Variants in FBXW7 observed in about 807,000 individuals in gnomAD.
FBXW7 encodes the protein F-box/WD repeat-containing protein 7.
A neutral mutation model predicts 86.3 loss-of-function variants in FBXW7; 11 were observed. That is an observed-to-expected ratio of 0.13 (90% CI 0.08 to 0.21). The LOEUF is 0.21. Among genes scored for constraint, FBXW7 ranks in the 10% least tolerant of loss-of-function variants. The pLI, the probability that FBXW7 is intolerant of heterozygous loss-of-function variation, is 1.00. For missense variants in FBXW7, 488 were observed against 847.4 expected (o/e 0.58, Z 5.27); for synonymous variants, 313 against 297.9 (o/e 1.05, Z -0.52).
chr4:152,431,860 G>T (rs539804102), intron 2 of FBXW7, among the ~76,000 whole-genome samples: 3 of 152,210 alleles, frequency 2.0e-5, no homozygotes, highest in South Asian at 4.1e-4. Flanking sequence ...TACAGTGGTG[G>T]GCTTATTCTA....
At chr4:152,324,072 G>T (rs760997792) in intron 13 of FBXW7, 112 bp downstream of exon 13, 110 of 763,660 alleles carry the variant, frequency 1.4e-4, no homozygotes, top group Non-Finnish European at 2.3e-4. Context: ...AAACTTTTCT[G>T]AAGTAACCAT....
At chr4:152,531,760 A>T (rs924779805) in intron 2 of FBXW7, among the ~76,000 whole-genome samples, 6 of 152,144 alleles carry the variant, frequency 3.9e-5, no homozygotes, top group African/African-American at 1.4e-4. Context: ...ACTTTAAAAC[A>T]TGAATTTGAG....
chr4:152,345,124 TA>T (rs1027590952), intron 6 of FBXW7, among the ~76,000 whole-genome samples: 55 of 152,306 alleles, frequency 3.6e-4, no homozygotes, highest in African/African-American at 1.2e-3. Flanking sequence ...ATCTTTAAAT[TA>T]TTTTTTTAAG....
At chr4:152,397,223 CAT>C (rs1169527935) in intron 4 of FBXW7, among the ~76,000 whole-genome samples, 20 of 151,944 alleles carry the variant, frequency 1.3e-4, no homozygotes, top group African/African-American at 4.6e-4. Flanking sequence ...CCCCCTGAAA[CAT>C]AACACAGAAA....
intron 2 of FBXW7, among the ~76,000 whole-genome samples, chr4:152,458,131 T>C (rs2149625003): frequency 6.6e-6 from 1 of 152,264 alleles, no homozygotes; most frequent in East Asian, 1.9e-4. Context: ...GAGATTCTCC[T>C]GCCTCAGCCT....
At chr4:152,351,657 A>T (rs1443603446) in intron 4 of FBXW7, among the ~76,000 whole-genome samples, 1 of 152,156 alleles carries the variant, frequency 6.6e-6, no homozygotes, top group African/African-American at 2.4e-5. Flanking sequence ...GTCAGTACAG[A>T]CTATGTTAAA....
intron 4 of FBXW7, among the ~76,000 whole-genome samples, chr4:152,396,480 G>A (rs1736427192): frequency 6.6e-6 from 1 of 151,952 alleles, no homozygotes; most frequent in South Asian, 2.1e-4. Flanking sequence ...AATGAATCAA[G>A]TTTTAACTAG....
chr4:152,389,496 AAC>A (rs970188854), intron 4 of FBXW7, among the ~76,000 whole-genome samples: 41 of 152,214 alleles, frequency 2.7e-4, no homozygotes, highest in Admixed American at 1.1e-3. Context: ...TCTTCAGTGA[AAC>A]AACACAGAAA....
At chr4:152,504,562 T>A (rs1747239109) in intron 2 of FBXW7, among the ~76,000 whole-genome samples, 1 of 152,150 alleles carries the variant, frequency 6.6e-6, no homozygotes, top group Non-Finnish European at 1.5e-5. Context: ...TACATTCTAC[T>A]AAAAAACATG....
At chr4:152,484,066 C>T (rs181859878) in intron 2 of FBXW7, among the ~76,000 whole-genome samples, 1 of 152,252 alleles carries the variant, frequency 6.6e-6, no homozygotes, top group East Asian at 1.9e-4. Flanking sequence ...ACATGCAACA[C>T]TATTTGGTTT....
intron 2 of FBXW7, among the ~76,000 whole-genome samples, chr4:152,469,661 A>G (rs1393771379): frequency 1.3e-5 from 2 of 152,106 alleles, no homozygotes; most frequent in East Asian, 3.8e-4. Context: ...ATCCTGTTTT[A>G]TTCATAAAGT....
intron 2 of FBXW7, among the ~76,000 whole-genome samples, chr4:152,510,888 T>C (rs1382902144): frequency 6.6e-6 from 1 of 152,136 alleles, no homozygotes; most frequent in Non-Finnish European, 1.5e-5. Context: ...TGCTGCAATA[T>C]AAATTACCAA....
chr4:152,355,379 GT>G (rs1220865991), intron 4 of FBXW7, among the ~76,000 whole-genome samples: 1 of 151,938 alleles, frequency 6.6e-6, no homozygotes. Context: ...TGTTAAATAA[GT>G]TTTTTTAAAG....
intron 4 of FBXW7, among the ~76,000 whole-genome samples, chr4:152,385,380 T>C (rs926832817): frequency 1.3e-5 from 2 of 151,994 alleles, no homozygotes; most frequent in Non-Finnish European, 2.9e-5. Context: ...ATTATAAATT[T>C]TCACTTTTAC....
intron 2 of FBXW7, among the ~76,000 whole-genome samples, chr4:152,458,615 T>C (rs1306054242): frequency 1.3e-5 from 2 of 152,214 alleles, no homozygotes. Context: ...CATTTGCACA[T>C]TTAAAAATGA....
At chr4:152,513,942 T>C (rs1228825821) in intron 2 of FBXW7, among the ~76,000 whole-genome samples, 1 of 152,238 alleles carries the variant, frequency 6.6e-6, no homozygotes, top group Non-Finnish European at 1.5e-5. Context: ...TGTGACTAAG[T>C]CCAAATTCAG....
chr4:152,460,383 G>A (rs551466184), intron 2 of FBXW7, among the ~76,000 whole-genome samples: 2 of 152,242 alleles, frequency 1.3e-5, no homozygotes, highest in East Asian at 3.9e-4. Flanking sequence ...GAAAAATATA[G>A]TTTATAAAAA....
At chr4:152,331,489 TC>T (rs1050217579) in intron 8 of FBXW7, among the ~76,000 whole-genome samples, 67 of 152,166 alleles carry the variant, frequency 4.4e-4, no homozygotes, top group African/African-American at 1.5e-3. Context: ...TTGTATGATT[TC>T]ACTTATATGA....
intron 4 of FBXW7, among the ~76,000 whole-genome samples, chr4:152,354,981 T>C (rs1388162799): frequency 2.0e-5 from 3 of 152,148 alleles, no homozygotes; most frequent in Non-Finnish European, 4.4e-5. Flanking sequence ...GAAGACCTTG[T>C]CTTCCCAAGT....
Sources: gnomAD v4.1 joint callset for allele counts (sites outside exome capture counted in the v4.1 genomes callset) on GRCh38, gnomAD v4.1.1 for gene constraint, MANE v1.5 for transcripts, NCBI Gene and HGNC (gene_info 2026-07-23, HGNC 2026-07-21) for gene names.